The following ARHGAP42 variants were observed in gnomAD, a reference collection of about 807,000 sequenced individuals.
ARHGAP42 encodes the protein rho GTPase-activating protein 42.
ARHGAP42 carries 63 observed loss-of-function variants against 125.0 expected under a neutral mutation model. The ratio of observed to expected loss-of-function variants is 0.50; its 90% CI spans 0.41 to 0.62. The LOEUF (loss-of-function observed/expected upper bound fraction) is 0.62, where lower values mean the gene tolerates loss of function less well. ARHGAP42 is among the 20% of genes least tolerant of loss of function. The pLI is 0.00. For synonymous variants in ARHGAP42, 339 were observed against 351.0 expected, an observed-to-expected ratio of 0.97 and a Z score of 0.38; for missense variants, 766 against 1,024.2, an observed-to-expected ratio of 0.75 and a Z score of 3.44.
intron 1 of ARHGAP42, among the ~76,000 whole-genome samples, chr11:100,735,173 C>A (rs1473586930): frequency 6.6e-6 from 1 of 152,198 alleles, no homozygotes; most frequent in Non-Finnish European, 1.5e-5. Context: ...TTCTCATTTC[C>A]CATCTTGCTC....
intron 3 of ARHGAP42, among the ~76,000 whole-genome samples, chr11:100,854,052 TA>T (rs778032978): frequency 3.9e-5 from 6 of 152,104 alleles, no homozygotes; most frequent in Non-Finnish European, 7.4e-5. Flanking sequence ...GGTCATGAGA[TA>T]AGGACATATT....
At chr11:100,795,488 A>G (rs931339668) in intron 3 of ARHGAP42, among the ~76,000 whole-genome samples, 1 of 152,168 alleles carries the variant, frequency 6.6e-6, no homozygotes, top group African/African-American at 2.4e-5. Context: ...AGAGGTTATA[A>G]CAACCTCAGT....
intron 1 of ARHGAP42, among the ~76,000 whole-genome samples, chr11:100,725,840 C>T (rs1283262770): frequency 2.0e-5 from 3 of 148,992 alleles, no homozygotes; most frequent in Non-Finnish European, 3.0e-5. Context: ...GAGGCTGTGG[C>T]AGGAGAATGG....
chr11:100,732,077 G>A (rs985773321), intron 1 of ARHGAP42, among the ~76,000 whole-genome samples: 2 of 151,734 alleles, frequency 1.3e-5, no homozygotes, highest in Non-Finnish European at 2.9e-5. Flanking sequence ...TCCTGCCTCA[G>A]CCTCCCAAGT....
At chr11:100,736,953 A>G (rs148747868) in intron 1 of ARHGAP42, among the ~76,000 whole-genome samples, 11 of 152,306 alleles carry the variant, frequency 7.2e-5, no homozygotes, top group Non-Finnish European at 1.3e-4. Flanking sequence ...AGCAAGCACT[A>G]TGCTAAATCT....
At chr11:100,882,217 G>A (rs1865979326) in intron 4 of ARHGAP42, among the ~76,000 whole-genome samples, 1 of 152,144 alleles carries the variant, frequency 6.6e-6, no homozygotes, top group Non-Finnish European at 1.5e-5. Flanking sequence ...CAGTATTATG[G>A]TGGCTGTGGG....
At chr11:100,738,222 A>T (rs145119094) in intron 1 of ARHGAP42, among the ~76,000 whole-genome samples, 2 of 152,344 alleles carry the variant, frequency 1.3e-5, no homozygotes, top group East Asian at 3.9e-4. Context: ...AATGCTTCAG[A>T]GGCAATTATT....
intron 14 of ARHGAP42, 129 bp downstream of exon 14, chr11:100,961,118 G>T (rs541332065): frequency 1.8e-6 from 1 of 548,640 alleles, no homozygotes; most frequent in East Asian, 3.3e-5. Flanking sequence ...TATGTATTCA[G>T]TTTTTAATGT....
intron 22 of ARHGAP42, among the ~76,000 whole-genome samples, chr11:100,980,559 C>CTTCTTTTTTTTCTTTTTT (rs1555037006): frequency 1.9e-5 from 1 of 51,962 alleles, no homozygotes; most frequent in Non-Finnish European, 3.8e-5. Flanking sequence ...TTTTCTTCTT[C>CTTCTTTTTTTTCTTTTTT]TTTTTTTTTT....
In ARHGAP42 at chr11:100,959,877, T is replaced by G; in HGVS notation, c.1163-6T>G. 6.4e-7 allele frequency: 1 copy of G among 1,551,192 alleles called. No individual in the cohort carries two copies. Among genetic ancestry groups the G allele is most frequent in the Non-Finnish European group, 8.7e-7 (1 of 1,146,390 alleles). The stretch of plus-strand genomic sequence containing the variant: ...ACACCTAATGCGATTTCTCTCTTAT[T>G]TTCAGTGTATTTGAATGAAGCAGGG... On this transcript the variant is annotated splice_region_variant and splice_polypyrimidine_tract_variant and intron_variant, in intron 12 of 23. Coordinates refer to ENST00000298815, the MANE Select transcript of ARHGAP42 (RefSeq NM_152432.4).
At chr11:100,873,470 A>G (rs920063284) in intron 4 of ARHGAP42, among the ~76,000 whole-genome samples, 4 of 152,186 alleles carry the variant, frequency 2.6e-5, no homozygotes, top group Non-Finnish European at 5.9e-5. Context: ...AACCCACGGT[A>G]TGAGTAAATA....
intron 16 of ARHGAP42, among the ~76,000 whole-genome samples, chr11:100,963,668 C>T (rs761990297): frequency 5.9e-5 from 9 of 152,188 alleles, no homozygotes; most frequent in Non-Finnish European, 1.2e-4. Context: ...CTCCACTCTA[C>T]CTCCTCTTCA....
intron 4 of ARHGAP42, among the ~76,000 whole-genome samples, chr11:100,906,146 T>A (rs77549238): frequency 0.052 from 7,957 of 152,204 alleles, 380 homozygotes; most frequent in East Asian, 0.25. Context: ...ACTGAAAAAA[T>A]TCCTGTTTTT....
At chr11:100,823,787 A>T (rs1380949631) in intron 3 of ARHGAP42, among the ~76,000 whole-genome samples, 1 of 152,178 alleles carries the variant, frequency 6.6e-6, no homozygotes, top group African/African-American at 2.4e-5. Flanking sequence ...ATAAACAATT[A>T]TTTATTTGTC....
At chr11:100,921,942 C>A (rs1170354192) in intron 6 of ARHGAP42, among the ~76,000 whole-genome samples, 1 of 149,076 alleles carries the variant, frequency 6.7e-6, no homozygotes, top group Admixed American at 6.8e-5. Context: ...CACAGAAATG[C>A]AAGATGCTAA....
chr11:100,836,456 T>C (rs1482536051), intron 3 of ARHGAP42, among the ~76,000 whole-genome samples: 1 of 152,090 alleles, frequency 6.6e-6, no homozygotes, highest in Admixed American at 6.6e-5. Flanking sequence ...CCATGCAATA[T>C]TTATGGCATT....
At position 100,830,350 on chromosome 11, in the gene ARHGAP42, G is replaced by T. The variant is rs1004416510; in HGVS notation, c.313-29204G>T. 3.3e-5 allele frequency among the ~76,000 whole-genome samples: 5 copies of T among 152,258 alleles called. No individual in the cohort carries two copies. In the East Asian group the frequency reaches 9.6e-4, roughly 29 times the overall value. ...ACCATGCTACTTAAGATTCATATTG[G>T]CAACCTGTGACTGTAATTTGAGTGG... On this transcript the variant is annotated intron_variant, in intron 3 of 23. Transcript: ENST00000298815.
At chr11:100,692,599 T>C (rs1464662783) in intron 1 of ARHGAP42, among the ~76,000 whole-genome samples, 1 of 152,210 alleles carries the variant, frequency 6.6e-6, no homozygotes, top group Non-Finnish European at 1.5e-5. Flanking sequence ...CTCGGTCATG[T>C]TGCCTTTGTT....
At chr11:100,779,234 G>A (rs1174715038) in intron 2 of ARHGAP42, among the ~76,000 whole-genome samples, 2 of 151,462 alleles carry the variant, frequency 1.3e-5, no homozygotes, top group Non-Finnish European at 2.9e-5. Flanking sequence ...ATCACCTGAG[G>A]TCAGGAGTTC....
Sources: allele counts gnomAD v4.1 joint callset (sites outside exome capture counted in the v4.1 genomes callset), GRCh38; gene constraint gnomAD v4.1.1; transcripts MANE v1.5; gene names NCBI Gene and HGNC (gene_info 2026-07-23, HGNC 2026-07-21).